The following C8orf34 variants were observed in gnomAD, a reference collection of about 807,000 sequenced individuals.
The protein encoded by C8orf34 is uncharacterized protein C8orf34.
Under a neutral mutation model 68.3 loss-of-function variants are expected in C8orf34, and 65 were observed. The observed-to-expected ratio is 0.95, with a 90% CI of 0.78 to 1.17. The LOEUF is 1.17. Among genes scored for constraint, C8orf34 ranks in the 50% most tolerant of loss-of-function variants. The probability of loss-of-function intolerance (pLI) is 0.00; values close to 1 mark genes in which losing one functional copy is unlikely to be tolerated. For missense variants in C8orf34, 664 were observed against 655.4 expected (o/e 1.01, Z -0.14); for synonymous variants, 244 against 241.2 (o/e 1.01, Z -0.11).
At chr8:68,617,263 T>C (rs921291765) in intron 7 of C8orf34, among the ~76,000 whole-genome samples, 2 of 152,220 alleles carry the variant, frequency 1.3e-5, no homozygotes, top group Non-Finnish European at 2.9e-5. Context: ...GTGTTTTTAA[T>C]TGGAGCATTT....
intron 10 of C8orf34, among the ~76,000 whole-genome samples, chr8:68,747,658 C>T (rs1307710711): frequency 6.6e-6 from 1 of 151,866 alleles, no homozygotes. Flanking sequence ...GAATAAAATA[C>T]CTAGGAATCC....
chr8:68,464,362 T>A (rs1016954882), intron 3 of C8orf34, among the ~76,000 whole-genome samples: 13 of 152,008 alleles, frequency 8.6e-5, no homozygotes, highest in Non-Finnish European at 1.8e-4. Flanking sequence ...ATCGTGAAAA[T>A]GGCCATACTG....
At chr8:68,556,757 T>C (rs1485008076) in intron 7 of C8orf34, among the ~76,000 whole-genome samples, 1 of 152,198 alleles carries the variant, frequency 6.6e-6, no homozygotes, top group Non-Finnish European at 1.5e-5. Context: ...CTTGTGGATT[T>C]TAAAACATTG....
At chr8:68,436,325 T>C (rs1269128507) in intron 1 of C8orf34, among the ~76,000 whole-genome samples, 1 of 152,234 alleles carries the variant, frequency 6.6e-6, no homozygotes, top group Non-Finnish European at 1.5e-5. Flanking sequence ...ATTTTATTGA[T>C]ATAAGTATGA....
intron 5 of C8orf34, among the ~76,000 whole-genome samples, chr8:68,494,071 G>A (rs571897076): frequency 6.6e-6 from 1 of 152,252 alleles, no homozygotes; most frequent in African/African-American, 2.4e-5. Context: ...GGACACCCAT[G>A]TTCATAGCAG....
intron 7 of C8orf34, among the ~76,000 whole-genome samples, chr8:68,585,401 A>G (rs1398610699): frequency 6.6e-6 from 1 of 152,170 alleles, no homozygotes; most frequent in Non-Finnish European, 1.5e-5. Context: ...TTCAGTATAT[A>G]GTTAAATAAA....
intron 1 of C8orf34, among the ~76,000 whole-genome samples, chr8:68,409,304 G>T (rs1809342665): frequency 1.3e-5 from 2 of 152,162 alleles, no homozygotes; most frequent in African/African-American, 2.4e-5. Flanking sequence ...GTTGTCAAAG[G>T]AGATGACAGC....
chr8:68,741,208 G>C (rs574488124), intron 10 of C8orf34, among the ~76,000 whole-genome samples: 2 of 152,164 alleles, frequency 1.3e-5, no homozygotes, highest in African/African-American at 4.8e-5. Context: ...ACCTGCACAT[G>C]TACCCCTGAA....
At chr8:68,535,439 A>C in intron 7 of C8orf34, 7 of 978,698 alleles carry the variant, frequency 7.2e-6, no homozygotes, top group Non-Finnish European at 8.5e-6. Context: ...AGTGATAAAT[A>C]AGTGAAAGGT....
intron 10 of C8orf34, among the ~76,000 whole-genome samples, chr8:68,767,404 C>T (rs1210319822): frequency 6.6e-6 from 1 of 152,160 alleles, no homozygotes; most frequent in Non-Finnish European, 1.5e-5. Context: ...CTGGCACATC[C>T]TTTAAGTTTT....
chr8:68,411,037 C>G (rs1168118196), intron 1 of C8orf34, among the ~76,000 whole-genome samples: 2 of 152,160 alleles, frequency 1.3e-5, no homozygotes, highest in African/African-American at 4.8e-5. Flanking sequence ...CTTACCTCAC[C>G]TGCTTCATTC....
intron 10 of C8orf34, among the ~76,000 whole-genome samples, chr8:68,775,143 A>G (rs1381905189): frequency 6.6e-6 from 1 of 150,956 alleles, no homozygotes; most frequent in Non-Finnish European, 1.5e-5. Context: ...TCCTTGACTT[A>G]GGGCACTTCA....
intron 4 of C8orf34, among the ~76,000 whole-genome samples, chr8:68,487,242 AT>A (rs1267799242): frequency 6.6e-6 from 1 of 152,174 alleles, no homozygotes; most frequent in Non-Finnish European, 1.5e-5. Context: ...AGCCCTTGCC[AT>A]TTCAGGAAAG....
At chr8:68,792,307 T>A (rs867172872) in intron 12 of C8orf34, 1 of 152,114 alleles carries the variant, frequency 6.6e-6, no homozygotes, top group African/African-American at 2.4e-5. Context: ...GCGCAATGGC[T>A]CACGTCTGTA....
In C8orf34 at chr8:68,379,251, G is replaced by C. The variant is rs139843531; in HGVS notation, c.327+47912G>C. The stretch of plus-strand genomic sequence containing the variant: ...TTTAGCAACTGGTAGATATTTGAGA[G>C]TCGAAGATTTTTGCACCTTTAAGAA... On this transcript the variant is annotated intron_variant, in intron 1 of 13. Coordinates refer to ENST00000518698, the MANE Select transcript of C8orf34 (RefSeq NM_052958.4). Among the ~76,000 whole-genome samples the C allele has an allele frequency of 1.3e-5, 2 of 152,316 alleles. 1 individual carries two copies. The highest frequency in any genetic ancestry group is 2.9e-5 in the Non-Finnish European group (2 of 68,038).
intron 7 of C8orf34, among the ~76,000 whole-genome samples, chr8:68,611,868 G>T (rs79202668): frequency 0.032 from 4,920 of 152,208 alleles, 102 homozygotes; most frequent in African/African-American, 0.057. Flanking sequence ...CCCCAAGAGG[G>T]AAAACACCTA....
chr8:68,803,671 A>C (rs913960710), intron 12 of C8orf34, among the ~76,000 whole-genome samples: 1 of 152,094 alleles, frequency 6.6e-6, no homozygotes, highest in African/African-American at 2.4e-5. Flanking sequence ...GTTTTTAAAT[A>C]TGCTTTGATA....
intron 5 of C8orf34, among the ~76,000 whole-genome samples, chr8:68,497,047 T>C (rs1054226718): frequency 2.0e-5 from 3 of 152,206 alleles, no homozygotes; most frequent in African/African-American, 7.2e-5. Context: ...CATGTTTGTC[T>C]TAAAAATGTG....
chr8:68,431,671 A>G (rs377647196), intron 1 of C8orf34, among the ~76,000 whole-genome samples: 1 of 152,216 alleles, frequency 6.6e-6, no homozygotes, highest in African/African-American at 2.4e-5. Flanking sequence ...TAAATGTTCA[A>G]TTATTAACCT....
Sources: allele counts gnomAD v4.1 joint callset (sites outside exome capture counted in the v4.1 genomes callset), GRCh38; gene constraint gnomAD v4.1.1; transcripts MANE v1.5; gene names NCBI Gene and HGNC (gene_info 2026-07-23, HGNC 2026-07-21).